The following PCSK5 variants were observed in gnomAD, a reference collection of about 807,000 sequenced individuals.
The protein encoded by PCSK5 is prohormone convertase 5.
A neutral mutation model predicts 233.2 loss-of-function variants in PCSK5; 129 were observed. The ratio of observed to expected loss-of-function variants is 0.55; its 90% confidence interval spans 0.48 to 0.64. PCSK5 has a LOEUF of 0.64. PCSK5 is among the 30% of genes least tolerant of loss of function. The pLI, the probability that PCSK5 is intolerant of heterozygous loss-of-function variation, is 0.00. For missense variants in PCSK5, 2,076 were observed against 2,430.1 expected (o/e 0.85, Z 3.06); for synonymous variants, 825 against 879.2 (o/e 0.94, Z 1.09).
At chr9:75,923,400 C>T (rs1202595860) in intron 1 of PCSK5, among the ~76,000 whole-genome samples, 4 of 152,034 alleles carry the variant, frequency 2.6e-5, no homozygotes, top group Admixed American at 6.6e-5. Context: ...TTTTTCTAGG[C>T]AGATTCCTTC....
chr9:76,060,219 A>C (rs1258853948), intron 5 of PCSK5, among the ~76,000 whole-genome samples: 7 of 152,198 alleles, frequency 4.6e-5, no homozygotes, highest in Non-Finnish European at 1.0e-4. Context: ...TATATCTTTT[A>C]ACTTCCCCCA....
chr9:76,296,272 A>G (rs1828435105), intron 26 of PCSK5, among the ~76,000 whole-genome samples: 1 of 152,206 alleles, frequency 6.6e-6, no homozygotes, highest in Non-Finnish European at 1.5e-5. Context: ...ACCTGGATTT[A>G]TTAAAACACA....
chr9:75,956,073 A>G (rs1201020861), intron 2 of PCSK5, among the ~76,000 whole-genome samples: 1 of 152,198 alleles, frequency 6.6e-6, no homozygotes, highest in Non-Finnish European at 1.5e-5. Flanking sequence ...TATTGCCTCT[A>G]ACTCTTCAGT....
chr9:75,922,135 A>G (rs544063779), intron 1 of PCSK5, among the ~76,000 whole-genome samples: 11 of 152,190 alleles, frequency 7.2e-5, no homozygotes, highest in Non-Finnish European at 1.5e-4. Flanking sequence ...AATGTCTGAT[A>G]GTCTGTAAAA....
chr9:76,322,782 C>T (rs1462985059), intron 31 of PCSK5, among the ~76,000 whole-genome samples: 2 of 152,232 alleles, frequency 1.3e-5, no homozygotes, highest in African/African-American at 4.8e-5. Context: ...TCTTTTGCAG[C>T]ATTGCAAATT....
Position 76,079,056 on chromosome 9 carries a change from T to C in PCSK5, c.894+7158T>C, listed in dbSNP as rs186979921. On this transcript the variant is annotated intron_variant, in intron 7 of 37. Coordinates refer to ENST00000674117, the MANE Select transcript of PCSK5 (RefSeq NM_001372043.1). ...TCTTTCACGTCCTTGGTTAGACGCATCCTTAGGTATTTATTATGTGTGTGT... is the reference window on the plus strand; with the variant it reads ...TCTTTCACGTCCTTGGTTAGACGCACCCTTAGGTATTTATTATGTGTGTGT... Among the ~76,000 whole-genome samples the C allele has an allele frequency of 3.1e-3, 473 of 152,154 alleles. 3 individuals are homozygous for C. Among genetic ancestry groups the C allele is most frequent in the Non-Finnish European group, 4.4e-3 (300 of 67,974 alleles).
At chr9:76,071,947 T>C in intron 7 of PCSK5, 49 bp downstream of exon 7, 1 of 1,531,882 alleles carries the variant, frequency 6.5e-7, no homozygotes, top group Non-Finnish European at 8.9e-7. Flanking sequence ...GGGTGATGAT[T>C]CTCATATGAA....
intron 7 of PCSK5, among the ~76,000 whole-genome samples, chr9:76,089,150 C>T (rs900168554): frequency 1.3e-5 from 2 of 151,944 alleles, no homozygotes; most frequent in African/African-American, 4.8e-5. Flanking sequence ...TCCCTGGATC[C>T]CCCTTTATCC....
chr9:76,244,027 C>G (rs1476806001), intron 24 of PCSK5, among the ~76,000 whole-genome samples: 1 of 152,138 alleles, frequency 6.6e-6, no homozygotes, highest in Admixed American at 6.5e-5. Flanking sequence ...AGTTTGAGAC[C>G]AGTCTGGGAA....
At chr9:75,934,733 C>T (rs994110299) in intron 2 of PCSK5, among the ~76,000 whole-genome samples, 1 of 152,028 alleles carries the variant, frequency 6.6e-6, no homozygotes, top group African/African-American at 2.4e-5. Flanking sequence ...AGGTGCCTAC[C>T]ACTACCCCTG....
chr9:76,264,021 G>A (rs956979642), intron 24 of PCSK5, among the ~76,000 whole-genome samples: 3 of 152,030 alleles, frequency 2.0e-5, no homozygotes, highest in Admixed American at 2.0e-4. Flanking sequence ...GCAAAAAGAA[G>A]AAAGCTGGAG....
chr9:76,344,429 C>T (rs1232724636), intron 35 of PCSK5, among the ~76,000 whole-genome samples: 1 of 152,182 alleles, frequency 6.6e-6, no homozygotes, highest in East Asian at 1.9e-4. Context: ...TCACAATTGA[C>T]TCCAGCACAT....
At chr9:76,064,876 G>A (rs896457594) in intron 5 of PCSK5, among the ~76,000 whole-genome samples, 7 of 152,338 alleles carry the variant, frequency 4.6e-5, no homozygotes, top group African/African-American at 1.7e-4. Flanking sequence ...TTGTAGAGAC[G>A]CAGTCTCCCT....
chr9:76,063,374 C>G (rs1202425970), intron 5 of PCSK5, among the ~76,000 whole-genome samples: 3 of 83,900 alleles, frequency 3.6e-5, no homozygotes, highest in Non-Finnish European at 6.5e-5. Flanking sequence ...GTGTTTCTCA[C>G]AGAGGGGGAT....
chr9:76,027,892 G>A (rs1350481458), intron 5 of PCSK5, among the ~76,000 whole-genome samples: 1 of 152,068 alleles, frequency 6.6e-6, no homozygotes. Flanking sequence ...CACTGAAGTT[G>A]CAAAGAGAAC....
chr9:76,056,321 C>A (rs1340100453), intron 5 of PCSK5, among the ~76,000 whole-genome samples: 2 of 152,114 alleles, frequency 1.3e-5, no homozygotes, highest in African/African-American at 2.4e-5. Flanking sequence ...GTCTTCCGAT[C>A]TGGGATGAAA....
At chr9:75,944,295 C>CA (rs1824461795) in intron 2 of PCSK5, among the ~76,000 whole-genome samples, 1 of 151,560 alleles carries the variant, frequency 6.6e-6, no homozygotes, top group African/African-American at 2.4e-5. Context: ...TACATTTAAA[C>CA]AAAAAAGACC....
intron 34 of PCSK5, among the ~76,000 whole-genome samples, chr9:76,334,192 G>A (rs182739987): frequency 3.4e-4 from 51 of 152,042 alleles, no homozygotes; most frequent in African/African-American, 1.2e-3. Context: ...GGGGGAAACC[G>A]CCCCTACAAT....
chr9:76,055,870 A>C (rs994974443), intron 5 of PCSK5, among the ~76,000 whole-genome samples: 1 of 152,212 alleles, frequency 6.6e-6, no homozygotes. Flanking sequence ...AGGCAAAAGT[A>C]CTTTGAGCAT....
Sources: gnomAD v4.1 joint callset for allele counts (sites outside exome capture counted in the v4.1 genomes callset) on GRCh38, gnomAD v4.1.1 for gene constraint, MANE v1.5 for transcripts, NCBI Gene and HGNC (gene_info 2026-07-23, HGNC 2026-07-21) for gene names.